Variants in NIBAN3 observed in about 807,000 individuals in gnomAD.
NIBAN3 encodes protein Niban 3.
A neutral mutation model predicts 76.4 loss-of-function variants in NIBAN3; 66 were observed. The ratio of observed to expected loss-of-function variants is 0.86; its 90% CI spans 0.71 to 1.06. The LOEUF (loss-of-function observed/expected upper bound fraction) is 1.06, where lower values mean the gene tolerates loss of function less well. Ranked by LOEUF, NIBAN3 falls within the 50% of genes least tolerant of loss-of-function variation. NIBAN3 has a pLI of 0.00. For synonymous variants in NIBAN3, 360 were observed against 355.2 expected, an observed-to-expected ratio of 1.01 and a Z score of -0.15; for missense variants, 808 against 810.7, an observed-to-expected ratio of 1.00 and a Z score of 0.04.
chr19:17,546,901 C>T lies in NIBAN3; in HGVS notation c.1666+104C>T, dbSNP rs188654155. 1.4e-5 allele frequency: 20 copies of T among 1,414,054 alleles called. No individual in the cohort carries two copies. In the African/African-American group the frequency reaches 2.7e-4, roughly 19 times the overall value. The allele number at this position is 1,414,054 out of a possible 1,614,324, so 87.6% of individuals were successfully genotyped here. On this transcript the variant is annotated intron_variant, in intron 13 of 14. Coordinates refer to ENST00000599164, the MANE Select transcript of NIBAN3 (RefSeq NM_001321827.2). ...GACTCTCACTTCCTGTGAATACTTG[C>T]CATTTGACCTTAAGTCAGGACTTGG...
chr19:17,543,249 T>C, intron 10 of NIBAN3, 68 bp from the exon 11 acceptor site: 1 of 1,025,448 alleles, frequency 9.8e-7, no homozygotes, highest in Non-Finnish European at 1.4e-6. Context: ...AGGGGTCAGC[T>C]GGGCAGGAGT....
chr19:17,525,059 C>T (rs1357626369), upstream of NIBAN3, among the ~76,000 whole-genome samples: 2 of 152,174 alleles, frequency 1.3e-5, no homozygotes, highest in Non-Finnish European at 1.5e-5. Context: ...CTCTATTCAT[C>T]GATGACCTGC....
intron 1 of NIBAN3, among the ~76,000 whole-genome samples, chr19:17,528,217 G>A (rs1255107123): frequency 1.3e-5 from 2 of 151,826 alleles, no homozygotes; most frequent in South Asian, 2.1e-4. Flanking sequence ...TCAGCCTCCC[G>A]AGTAGCTGGG....
upstream of NIBAN3, chr19:17,523,538 C>T (rs1037384515): frequency 2.4e-5 from 29 of 1,233,970 alleles, no homozygotes; most frequent in South Asian, 9.4e-5. Context: ...GCCCCCAGAG[C>T]GGCAGGCACG....
At chr19:17,531,326 AACACACACACACACACAC>A (rs35489460) in intron 2 of NIBAN3, among the ~76,000 whole-genome samples, 20,161 of 129,044 alleles carry the variant, frequency 0.16, 1,701 homozygotes, top group East Asian at 0.27. Flanking sequence ...GACTCTGTCA[AACACACACACACACACAC>A]ACACACACAC....
chr19:17,545,753 A>G (rs890932167), intron 12 of NIBAN3: 1 of 178,408 alleles, frequency 5.6e-6, no homozygotes, highest in Non-Finnish European at 1.2e-5. Flanking sequence ...TAGAAGGCAG[A>G]GCCAGGTGTA....
At position 17,540,026 on chromosome 19, in the gene NIBAN3, T is replaced by A. The variant is rs2075915074; in HGVS notation, c.979+261T>A. ...GGAGGAAACCAGGTCCTAAGGGGGC[T>A]GCTTGGATACAAAAAGGGCGGGGCC... On this transcript the variant is annotated intron_variant, in intron 8 of 14. Coordinates refer to ENST00000599164, the MANE Select transcript of NIBAN3 (RefSeq NM_001321827.2). 1.4e-5 allele frequency: 6 copies of A among 434,182 alleles called. No homozygotes were observed. In the Admixed American group the frequency reaches 2.5e-4, roughly 18 times the overall value. The allele number at this position is 434,182 out of a possible 1,614,324, so 26.9% of individuals were successfully genotyped here.
At chr19:17,532,162 G>T in intron 2 of NIBAN3, 101 bp from the exon 3 acceptor site, 1 of 1,406,710 alleles carries the variant, frequency 7.1e-7, no homozygotes, top group South Asian at 1.4e-5. Context: ...GGCATCACGG[G>T]ACCTTAGCGT....
intron 1 of NIBAN3, among the ~76,000 whole-genome samples, chr19:17,528,815 A>G (rs950968366): frequency 6.6e-6 from 1 of 152,014 alleles, no homozygotes; most frequent in Non-Finnish European, 1.5e-5. Context: ...TTGGGTCTAC[A>G]TTCCATGCAG....
upstream of NIBAN3, among the ~76,000 whole-genome samples, chr19:17,524,532 G>A (rs979531641): frequency 3.3e-5 from 5 of 152,098 alleles, no homozygotes; most frequent in African/African-American, 1.2e-4. Flanking sequence ...TGACCCGCCT[G>A]CCTCGGCCTC....
At chr19:17,546,509 C>A in intron 12 of NIBAN3, 177 bp from the exon 13 acceptor site, 1 of 1,158,958 alleles carries the variant, frequency 8.6e-7, no homozygotes, top group Non-Finnish European at 1.1e-6. Flanking sequence ...GCCACCGCAC[C>A]CGGCCTGTTT....
chr19:17,554,876 T>C (rs1279646155), downstream of NIBAN3, among the ~76,000 whole-genome samples: 1 of 149,774 alleles, frequency 6.7e-6, no homozygotes, highest in East Asian at 2.0e-4. Flanking sequence ...GGCACGGTCT[T>C]GCTATGTTGC....
chr19:17,537,711 C>T (rs1201509684), intron 5 of NIBAN3, among the ~76,000 whole-genome samples, 168 bp downstream of exon 5: 1 of 151,920 alleles, frequency 6.6e-6, no homozygotes, highest in Admixed American at 6.6e-5. Flanking sequence ...TTTGGGAGGC[C>T]GAGGCAGGCA....
At chr19:17,526,098 G>A (rs1156407217), upstream of NIBAN3, among the ~76,000 whole-genome samples, 21 of 151,882 alleles carry the variant, frequency 1.4e-4, no homozygotes, top group Admixed American at 1.4e-3. Flanking sequence ...TGGATCACGA[G>A]GTCAGGAGTT....
intron 8 of NIBAN3, among the ~76,000 whole-genome samples, 166 bp downstream of exon 8, chr19:17,539,931 CG>C (rs1475887574): frequency 1.1e-5 from 1 of 91,820 alleles, no homozygotes; most frequent in Non-Finnish European, 2.2e-5. Flanking sequence ...GGGGAAGGGG[CG>C]GGGCCAAAGC....
chr19:17,524,343 T>C (rs1194679931), upstream of NIBAN3, among the ~76,000 whole-genome samples: 1 of 152,124 alleles, frequency 6.6e-6, no homozygotes, highest in African/African-American at 2.4e-5. Flanking sequence ...TGGAGTGCAG[T>C]GGTCCGATTT....
At chr19:17,527,238 A>G (rs1300893097), upstream of NIBAN3, 1 of 1,549,134 alleles carries the variant, frequency 6.5e-7, no homozygotes, top group Non-Finnish European at 8.7e-7. Context: ...CTCTGAACCC[A>G]CTGTGACCAA....
chr19:17,549,028 ATG>A (rs1340560490), intron 13 of NIBAN3, among the ~76,000 whole-genome samples: 1 of 151,642 alleles, frequency 6.6e-6, no homozygotes, highest in East Asian at 1.9e-4. Context: ...GAGGGAGAGG[ATG>A]TGTCTGTGAG....
intron 14 of NIBAN3, among the ~76,000 whole-genome samples, chr19:17,551,478 G>A (rs944587244): frequency 4.0e-5 from 6 of 151,418 alleles, no homozygotes; most frequent in Non-Finnish European, 8.8e-5. Flanking sequence ...CGCGATCTCG[G>A]CTAACTGCAA....
Sources: allele counts gnomAD v4.1 joint callset (sites outside exome capture counted in the v4.1 genomes callset), GRCh38; gene constraint gnomAD v4.1.1; transcripts MANE v1.5; gene names NCBI Gene and HGNC (gene_info 2026-07-23, HGNC 2026-07-21).